The following GMDS variants were observed in gnomAD, a reference collection of about 807,000 sequenced individuals.
GMDS encodes the protein GDP-mannose 4,6 dehydratase.
GMDS carries 20 observed loss-of-function variants against 49.9 expected under a neutral mutation model. The observed-to-expected ratio is 0.40, with a 90% CI of 0.28 to 0.58. The LOEUF (loss-of-function observed/expected upper bound fraction) is 0.58. GMDS is among the 20% of genes least tolerant of loss of function. GMDS has a pLI of 0.42. For missense variants in GMDS, 362 were observed against 481.4 expected (o/e 0.75, Z 2.32); for synonymous variants, 177 against 178.6 (o/e 0.99, Z 0.07).
At chr6:2,137,135 G>A (rs1371631833) in intron 1 of GMDS, among the ~76,000 whole-genome samples, 2 of 151,860 alleles carry the variant, frequency 1.3e-5, no homozygotes, top group Non-Finnish European at 2.9e-5. Flanking sequence ...TATATATAAT[G>A]GTATTTATAA....
At chr6:2,196,146 A>G (rs1779267182) in intron 1 of GMDS, among the ~76,000 whole-genome samples, 1 of 152,226 alleles carries the variant, frequency 6.6e-6, no homozygotes. Context: ...GATTGTGTAA[A>G]AAACTAGATA....
intron 4 of GMDS, among the ~76,000 whole-genome samples, chr6:2,090,995 C>A (rs761930299): frequency 1.3e-5 from 2 of 152,204 alleles, no homozygotes; most frequent in Non-Finnish European, 2.9e-5. Context: ...ACACTGTGGA[C>A]TGCCTCGTGG....
chr6:1,659,673 A>G (rs1394859716), intron 9 of GMDS, among the ~76,000 whole-genome samples: 1 of 151,902 alleles, frequency 6.6e-6, no homozygotes, highest in Non-Finnish European at 1.5e-5. Context: ...CCTGCCCCAT[A>G]CTCCCATATA....
At chr6:1,930,343 G>A (rs1031809488) in intron 6 of GMDS, 113 bp from the exon 7 acceptor site, 2 of 716,770 alleles carry the variant, frequency 2.8e-6, no homozygotes, top group African/African-American at 3.6e-5. Context: ...TACACTCCCA[G>A]CCACCCTGTT....
At chr6:2,052,541 A>C (rs1169367191) in intron 4 of GMDS, among the ~76,000 whole-genome samples, 4 of 152,190 alleles carry the variant, frequency 2.6e-5, no homozygotes, top group Non-Finnish European at 4.4e-5. Flanking sequence ...GCCATCTAAA[A>C]TCTGTGAGTA....
intron 2 of GMDS, among the ~76,000 whole-genome samples, chr6:2,119,061 TTC>T (rs1448258823): frequency 2.6e-5 from 4 of 152,160 alleles, no homozygotes; most frequent in African/African-American, 7.2e-5. Context: ...CAGATGTAAA[TTC>T]TCTGTTTTAT....
At chr6:2,185,949 A>G (rs1778760582) in intron 1 of GMDS, among the ~76,000 whole-genome samples, 1 of 152,216 alleles carries the variant, frequency 6.6e-6, no homozygotes, top group African/African-American at 2.4e-5. Flanking sequence ...CAAATGAGAA[A>G]ACTGAGAACC....
intron 7 of GMDS, among the ~76,000 whole-genome samples, chr6:1,747,313 G>A (rs1355322908): frequency 6.6e-6 from 1 of 152,154 alleles, no homozygotes; most frequent in Non-Finnish European, 1.5e-5. Flanking sequence ...CAGTATCCAA[G>A]CCACAAACAC....
intron 6 of GMDS, among the ~76,000 whole-genome samples, chr6:1,944,503 TAA>T (rs1257165829): frequency 7.0e-6 from 1 of 142,646 alleles, no homozygotes. Context: ...AGATTGCGTC[TAA>T]AAAAATATAT....
chr6:1,948,369 ATGTAATTTT>A (rs1363459346), intron 6 of GMDS, among the ~76,000 whole-genome samples: 2 of 152,230 alleles, frequency 1.3e-5, no homozygotes, highest in Non-Finnish European at 1.5e-5. Flanking sequence ...AACTGCATCT[ATGTAATTTT>A]TGTTAGTCTA....
At chr6:1,814,773 G>T (rs1770587562) in intron 7 of GMDS, among the ~76,000 whole-genome samples, 1 of 151,960 alleles carries the variant, frequency 6.6e-6, no homozygotes, top group South Asian at 2.1e-4. Flanking sequence ...TTTATATGAA[G>T]CAATCCTGTT....
intron 7 of GMDS, among the ~76,000 whole-genome samples, chr6:1,784,474 C>T (rs1260759502): frequency 6.6e-6 from 1 of 151,682 alleles, no homozygotes; most frequent in Non-Finnish European, 1.5e-5. Context: ...TTTGCCTGAT[C>T]CCAGGACTAC....
intron 9 of GMDS, among the ~76,000 whole-genome samples, chr6:1,653,936 A>G (rs901210831): frequency 6.6e-6 from 1 of 152,182 alleles, no homozygotes; most frequent in Admixed American, 6.5e-5. Flanking sequence ...CACGAGTAAA[A>G]GCAGACAAAG....
intron 7 of GMDS, among the ~76,000 whole-genome samples, chr6:1,744,080 C>T (rs577647703): frequency 3.9e-4 from 60 of 152,112 alleles, no homozygotes; most frequent in African/African-American, 1.4e-3. Flanking sequence ...GAAAATGCCA[C>T]CAAAAAAGTT....
At chr6:2,208,682 G>A (rs1779920795) in intron 1 of GMDS, among the ~76,000 whole-genome samples, 1 of 152,146 alleles carries the variant, frequency 6.6e-6, no homozygotes, top group African/African-American at 2.4e-5. Flanking sequence ...CAATGTAGCT[G>A]AAATACCCGA....
intron 1 of GMDS, among the ~76,000 whole-genome samples, chr6:2,196,919 A>G (rs1302489470): frequency 2.0e-5 from 3 of 152,276 alleles, no homozygotes; most frequent in Middle Eastern, 3.4e-3. Context: ...AGCCATGACA[A>G]TTCTAATGAT....
Position 1,624,136 on chromosome 6 carries a change from A to T in GMDS, c.*33T>A. 6.3e-7 allele frequency: 1 copy of T among 1,592,110 alleles called. No individual in the cohort carries two copies. The highest frequency in any genetic ancestry group is 8.6e-7 in the Non-Finnish European group (1 of 1,169,348). ...GCACCGGAGACTCTGCGGGGATTGT[A>T]GCCGGAGGGCGGGCCGGGCTCCGAG... is the stretch of plus-strand genomic sequence containing the variant. On this transcript the variant is annotated 3_prime_UTR_variant, in exon 11 of 11. Coordinates refer to ENST00000380815, the MANE Select transcript of GMDS (RefSeq NM_001500.4).
rs548709922 is a variant in GMDS at position 1,999,879 on chromosome 6, T to A, written c.346-38913A>T. Reference sequence around the variant, plus strand: ...GTCTTACTTTTCAAAAATACCAGTTTTATTGAGACATAACGATATATATAA... The same window carrying A: ...GTCTTACTTTTCAAAAATACCAGTTATATTGAGACATAACGATATATATAA... On this transcript the variant is annotated intron_variant, in intron 4 of 10. Coordinates refer to ENST00000380815, the MANE Select transcript of GMDS (RefSeq NM_001500.4). 8.3e-4 allele frequency among the ~76,000 whole-genome samples: 99 copies of A among 119,402 alleles called. 2 individuals are homozygous for A. The Middle Eastern group carries it at 0.022, about 27-fold the overall frequency. The allele number at this position is 119,402 out of a possible 152,430, so 78.3% of individuals were successfully genotyped here.
At chr6:1,723,686 C>G (rs1238682528) in intron 9 of GMDS, among the ~76,000 whole-genome samples, 1 of 151,480 alleles carries the variant, frequency 6.6e-6, no homozygotes, top group East Asian at 1.9e-4. Flanking sequence ...TCTTGGGGGA[C>G]AGATGACCTA....
Sources: gnomAD v4.1 joint callset for allele counts (sites outside exome capture counted in the v4.1 genomes callset) on GRCh38, gnomAD v4.1.1 for gene constraint, MANE v1.5 for transcripts, NCBI Gene and HGNC (gene_info 2026-07-23, HGNC 2026-07-21) for gene names.